The following RBFOX1 variants were observed in gnomAD, a reference collection of about 807,000 sequenced individuals.
The protein encoded by RBFOX1 is RNA binding protein fox-1 homolog 1.
Under a neutral mutation model 57.7 loss-of-function variants are expected in RBFOX1, and 8 were observed. That is an observed-to-expected ratio of 0.14 (90% confidence interval 0.08 to 0.25). RBFOX1 has a LOEUF of 0.25. RBFOX1 is among the 10% of genes least tolerant of loss of function. RBFOX1 has a pLI of 1.00. For missense variants in RBFOX1, 611 were observed against 548.5 expected (o/e 1.11, Z -1.14); for synonymous variants, 326 against 222.4 (o/e 1.47, Z -4.15).
At chr16:6,688,940 G>A (rs868611423) in intron 3 of RBFOX1, among the ~76,000 whole-genome samples, 4 of 151,846 alleles carry the variant, frequency 2.6e-5, no homozygotes, top group East Asian at 2.0e-4. Context: ...TTCCAGCTTC[G>A]TCCATGTCCC....
intron 3 of RBFOX1, among the ~76,000 whole-genome samples, chr16:6,786,199 C>T (rs574961178): frequency 8.5e-4 from 129 of 152,280 alleles, no homozygotes; most frequent in Middle Eastern, 3.4e-3. Flanking sequence ...CTCCTCATTC[C>T]TTGGGGAGGG....
intron 4 of RBFOX1, among the ~76,000 whole-genome samples, chr16:7,288,652 C>A (rs1187180439): frequency 6.6e-6 from 1 of 152,066 alleles, no homozygotes; most frequent in Non-Finnish European, 1.5e-5. Flanking sequence ...ACCAGCCTGG[C>A]CAACATGGTG....
intron 2 of RBFOX1, among the ~76,000 whole-genome samples, chr16:6,621,130 T>A (rs1364545333): frequency 6.6e-6 from 1 of 152,150 alleles, no homozygotes; most frequent in African/African-American, 2.4e-5. Flanking sequence ...TGTCTGGGTG[T>A]CTCTGTATTT....
intron 4 of RBFOX1, among the ~76,000 whole-genome samples, chr16:7,505,993 G>A (rs1469271131): frequency 1.3e-5 from 2 of 151,888 alleles, no homozygotes; most frequent in African/African-American, 2.4e-5. Flanking sequence ...AGACCATCCT[G>A]TCTAACATGG....
chr16:7,011,750 G>C (rs977469970), intron 3 of RBFOX1, among the ~76,000 whole-genome samples: 1 of 152,182 alleles, frequency 6.6e-6, no homozygotes, highest in East Asian at 1.9e-4. Context: ...TCCTGACCTC[G>C]TGATCCGCCT....
At chr16:7,585,595 G>A (rs755274224) in intron 6 of RBFOX1, among the ~76,000 whole-genome samples, 3 of 152,100 alleles carry the variant, frequency 2.0e-5, no homozygotes, top group Non-Finnish European at 2.9e-5. Flanking sequence ...CCTGAGGAAC[G>A]GGCACATTTC....
At chr16:6,959,840 G>A (rs1383282289) in intron 3 of RBFOX1, among the ~76,000 whole-genome samples, 1 of 152,174 alleles carries the variant, frequency 6.6e-6, no homozygotes, top group Non-Finnish European at 1.5e-5. Flanking sequence ...GGGAGGCTGA[G>A]GCAGGAGAAT....
intron 4 of RBFOX1, among the ~76,000 whole-genome samples, chr16:5,997,239 G>A (rs374331727): frequency 1.1e-4 from 16 of 152,182 alleles, no homozygotes; most frequent in African/African-American, 3.9e-4. Flanking sequence ...TCCTGCCTGG[G>A]GCACAGAACA....
chr16:7,699,020 C>T (rs535188872), intron 14 of RBFOX1, among the ~76,000 whole-genome samples: 149 of 152,308 alleles, frequency 9.8e-4, no homozygotes, highest in Middle Eastern at 3.4e-3. Context: ...CCAAAGTCAC[C>T]TGGAGAACTT....
intron 2 of RBFOX1, among the ~76,000 whole-genome samples, chr16:6,460,468 C>T (rs1306781682): frequency 6.8e-6 from 1 of 147,684 alleles, no homozygotes; most frequent in African/African-American, 2.5e-5. Flanking sequence ...AAAAAAAAAA[C>T]ATACATGCGG....
chr16:5,321,559 A>T (rs1451103371), intron 1 of RBFOX1, among the ~76,000 whole-genome samples: 1 of 152,048 alleles, frequency 6.6e-6, no homozygotes, highest in South Asian at 2.1e-4. Flanking sequence ...TGACCTCGTG[A>T]TCCGCCCATG....
chr16:5,964,737 C>G (rs1444747764), intron 4 of RBFOX1, among the ~76,000 whole-genome samples: 1 of 151,560 alleles, frequency 6.6e-6, no homozygotes, highest in Admixed American at 6.6e-5. Context: ...CACAATGACT[C>G]TTAGGTTATG....
chr16:7,384,703 C>G lies in RBFOX1; in HGVS notation c.28-133444C>G, dbSNP rs553317061. ...CCTGTAATGACAACCTAGACTTAGA[C>G]TTGCACGAAATAGAGATGTAAGTCA... On this transcript the variant is annotated intron_variant, in intron 4 of 15. Transcript: ENST00000550418. 5.9e-5 allele frequency among the ~76,000 whole-genome samples: 9 copies of G among 152,296 alleles called. No individual in the cohort carries two copies. In the South Asian group the frequency reaches 1.7e-3, roughly 28 times the overall value.
intron 2 of RBFOX1, among the ~76,000 whole-genome samples, chr16:6,512,373 T>G (rs1340917598): frequency 2.0e-5 from 3 of 150,368 alleles, no homozygotes; most frequent in Non-Finnish European, 1.5e-5. Flanking sequence ...AAAACTTCAA[T>G]CAAGAGTGCT....
intron 3 of RBFOX1, among the ~76,000 whole-genome samples, chr16:5,855,500 T>A (rs1456149249): frequency 2.6e-5 from 4 of 152,206 alleles, no homozygotes. Flanking sequence ...CATTGTGTGT[T>A]CTTGGCATTC....
At chr16:7,274,749 A>G (rs543873051) in intron 4 of RBFOX1, among the ~76,000 whole-genome samples, 8 of 152,114 alleles carry the variant, frequency 5.3e-5, no homozygotes, top group African/African-American at 1.2e-4. Context: ...CAGTAAGACA[A>G]TCTTAGCTCA....
At chr16:6,569,804 G>A (rs1453941035) in intron 2 of RBFOX1, among the ~76,000 whole-genome samples, 4 of 152,162 alleles carry the variant, frequency 2.6e-5, no homozygotes, top group Non-Finnish European at 4.4e-5. Context: ...TTCCACGGCT[G>A]TTTCGTTAAG....
At chr16:7,610,988 G>C (rs2057365912) in intron 10 of RBFOX1, among the ~76,000 whole-genome samples, 1 of 152,046 alleles carries the variant, frequency 6.6e-6, no homozygotes, top group Admixed American at 6.5e-5. Flanking sequence ...TCATTGATTT[G>C]CTTTGTATTT....
chr16:5,902,624 C>G (rs1241924180), intron 4 of RBFOX1, among the ~76,000 whole-genome samples: 1 of 152,056 alleles, frequency 6.6e-6, no homozygotes, highest in African/African-American at 2.4e-5. Flanking sequence ...CTATGTTAGC[C>G]AGGCTGGTCT....
Sources: allele counts gnomAD v4.1 joint callset (sites outside exome capture counted in the v4.1 genomes callset), GRCh38; gene constraint gnomAD v4.1.1; transcripts MANE v1.5; gene names NCBI Gene and HGNC (gene_info 2026-07-23, HGNC 2026-07-21).